The following PPP3CC variants were observed in gnomAD, a reference collection of about 807,000 sequenced individuals.
The protein encoded by PPP3CC is serine/threonine-protein phosphatase 2B catalytic subunit gamma isoform.
A neutral mutation model predicts 60.3 loss-of-function variants in PPP3CC; 35 were observed. That is an observed-to-expected ratio of 0.58 (90% CI 0.44 to 0.77). The LOEUF (loss-of-function observed/expected upper bound fraction) is 0.77, where lower values mean the gene tolerates loss of function less well. PPP3CC is among the 30% of genes least tolerant of loss of function. The pLI, the probability that PPP3CC is intolerant of heterozygous loss-of-function variation, is 0.00. For synonymous variants in PPP3CC, 206 were observed against 224.3 expected (o/e 0.92, Z 0.73); for missense variants, 570 against 628.9 (o/e 0.91, Z 1.00).
intron 1 of PPP3CC, among the ~76,000 whole-genome samples, chr8:22,472,200 TCA>T (rs1837743197): frequency 6.6e-6 from 1 of 150,640 alleles, no homozygotes; most frequent in Non-Finnish European, 1.5e-5. Flanking sequence ...TATAAATGTT[TCA>T]GTTTTTAAAA....
chr8:22,499,296 G>T (rs1392375113), intron 4 of PPP3CC, among the ~76,000 whole-genome samples: 3 of 150,508 alleles, frequency 2.0e-5, no homozygotes, highest in Admixed American at 1.3e-4. Flanking sequence ...AAAATTAGCC[G>T]GGCGCGGTGG....
chr8:22,522,688 C>T lies in PPP3CC; in HGVS notation c.882C>T (p.Gly294=). The part of the protein sequence containing the change: ...YRMYRKSQAT[G]FPSLITIFSA... ...TGTACAGGAAGAGCCAAGCCACAGG[C>T]TTTCCATCACTTATTACAATTTTCT... The change falls in exon 8 of 14, where the codon GGC becomes GGT. Residue 294 remains glycine, a synonymous_variant. Coordinates refer to ENST00000240139, the MANE Select transcript of PPP3CC (RefSeq NM_005605.5). The T allele has an allele frequency of 6.2e-7, 1 of 1,607,144 alleles. No individual in the cohort carries two copies.
rs549522855 is a variant in PPP3CC at position 22,499,244 on chromosome 8, C to T, written c.484+1132C>T. On this transcript the variant is annotated intron_variant, in intron 4 of 13. Coordinates refer to ENST00000240139, the MANE Select transcript of PPP3CC (RefSeq NM_005605.5). The stretch of plus-strand genomic sequence containing the variant: ...CATGAGGTCAGGAGATCGAGACCAT[C>T]CTGGCTAACAAGGTGAAACCCCGTC... 1.0e-3 allele frequency among the ~76,000 whole-genome samples: 150 copies of T among 150,000 alleles called. 1 individual carries two copies. The highest frequency in any genetic ancestry group is 1.8e-3 in the Non-Finnish European group (124 of 67,520).
chr8:22,504,649 A>G (rs1838857765), intron 4 of PPP3CC, among the ~76,000 whole-genome samples: 1 of 151,974 alleles, frequency 6.6e-6, no homozygotes, highest in South Asian at 2.1e-4. Flanking sequence ...ATATTTCTTC[A>G]TTGTTATGTA....
At chr8:22,444,219 G>T (rs1836758360) in intron 1 of PPP3CC, among the ~76,000 whole-genome samples, 1 of 148,678 alleles carries the variant, frequency 6.7e-6, no homozygotes, top group Admixed American at 6.7e-5. Context: ...TTGTGCCACT[G>T]TACTGTAGCC....
intron 9 of PPP3CC, 23 bp downstream of exon 9, chr8:22,527,540 C>T (rs961980860): frequency 6.2e-7 from 1 of 1,611,160 alleles, no homozygotes; most frequent in Non-Finnish European, 8.5e-7. Flanking sequence ...AAGCACATGT[C>T]TCATCAGTTG....
chr8:22,489,655 GTATA>G (rs1838325106), intron 3 of PPP3CC, among the ~76,000 whole-genome samples: 1 of 106,850 alleles, frequency 9.4e-6, no homozygotes, highest in Non-Finnish European at 2.0e-5. Flanking sequence ...TATACAATAA[GTATA>G]TATTATATAT....
At chr8:22,459,238 C>T (rs896164770) in intron 1 of PPP3CC, among the ~76,000 whole-genome samples, 1 of 152,128 alleles carries the variant, frequency 6.6e-6, no homozygotes, top group African/African-American at 2.4e-5. Flanking sequence ...GTGCCCAGAC[C>T]ATTTTAGTGA....
chr8:22,452,285 C>G (rs1837057256), intron 1 of PPP3CC, among the ~76,000 whole-genome samples: 1 of 151,884 alleles, frequency 6.6e-6, no homozygotes, highest in Non-Finnish European at 1.5e-5. Context: ...AGTGTTCCTC[C>G]CACCTCCCAG....
chr8:22,505,537 G>C (rs1838890653), intron 4 of PPP3CC, among the ~76,000 whole-genome samples: 1 of 152,000 alleles, frequency 6.6e-6, no homozygotes, highest in Non-Finnish European at 1.5e-5. Flanking sequence ...CGAAATACTA[G>C]GTAAATGTTA....
intron 8 of PPP3CC, 79 bp downstream of exon 8, chr8:22,522,828 G>A: frequency 2.0e-6 from 2 of 1,015,384 alleles, no homozygotes; most frequent in Non-Finnish European, 2.9e-6. Context: ...ACGTATGTGT[G>A]TTTGTGTCAT....
At position 22,513,317 on chromosome 8, in the gene PPP3CC, G is replaced by A. The variant is rs201570071; in HGVS notation, c.655G>A (p.Ala219Thr). ...RKLDRFTEPP[A>T]FGPVCDLLWS... ...GTTAGACAGGTTTACGGAACCTCCC[G>A]CCTTTGGACCTGTGTGTGACCTGCT... The change falls in exon 6 of 14, where the codon GCC becomes ACC. Residue 219 changes from alanine (A) to threonine (T), a missense_variant. Ala to Thr is a moderately conservative substitution (Grantham distance 58). Coordinates refer to ENST00000240139, the MANE Select transcript of PPP3CC (RefSeq NM_005605.5). The A allele has an allele frequency of 1.5e-4, 249 of 1,612,130 alleles. 1 individual carries two copies. Among genetic ancestry groups the A allele is most frequent in the South Asian group, 1.1e-3 (104 of 90,766 alleles).
chr8:22,538,587 C>T (rs1365010356), intron 12 of PPP3CC, among the ~76,000 whole-genome samples: 2 of 152,322 alleles, frequency 1.3e-5, no homozygotes, highest in Admixed American at 6.5e-5. Flanking sequence ...CAAATTGGTA[C>T]TGGAGTAACT....
intron 12 of PPP3CC, among the ~76,000 whole-genome samples, chr8:22,538,522 C>T (rs934459002): frequency 1.3e-5 from 2 of 152,110 alleles, no homozygotes. Flanking sequence ...TATATAAAGC[C>T]TTGGGAATAG....
chr8:22,533,855 G>A (rs1466797730), intron 12 of PPP3CC, among the ~76,000 whole-genome samples: 1 of 151,516 alleles, frequency 6.6e-6, no homozygotes, highest in Non-Finnish European at 1.5e-5. Context: ...ATAAACATAT[G>A]AAAAGATCTT....
intron 3 of PPP3CC, among the ~76,000 whole-genome samples, chr8:22,476,606 G>GT (rs550411179): frequency 7.1e-4 from 108 of 152,278 alleles, no homozygotes; most frequent in African/African-American, 2.6e-3. Flanking sequence ...TTAGTTTTCT[G>GT]TTAGATAGGC....
At chr8:22,483,555 G>C (rs1838134342) in intron 3 of PPP3CC, among the ~76,000 whole-genome samples, 1 of 152,060 alleles carries the variant, frequency 6.6e-6, no homozygotes, top group South Asian at 2.1e-4. Flanking sequence ...CAAAGTGCTG[G>C]GATTATAGGT....
chr8:22,504,740 C>T (rs1444967362), intron 4 of PPP3CC, among the ~76,000 whole-genome samples: 3 of 138,238 alleles, frequency 2.2e-5, no homozygotes, highest in South Asian at 2.8e-4. Flanking sequence ...TCCTTCCTTC[C>T]GTCTTGCTCT....
chr8:22,453,989 C>T (rs1837114941), intron 1 of PPP3CC, among the ~76,000 whole-genome samples: 1 of 152,126 alleles, frequency 6.6e-6, no homozygotes, highest in African/African-American at 2.4e-5. Context: ...TAGAACACCG[C>T]AGGCTTTACA....
Sources: gnomAD v4.1 joint callset for allele counts (sites outside exome capture counted in the v4.1 genomes callset) on GRCh38, gnomAD v4.1.1 for gene constraint, MANE v1.5 for transcripts, NCBI Gene and HGNC (gene_info 2026-07-23, HGNC 2026-07-21) for gene names.